Variants in NOL4 observed in about 807,000 individuals in gnomAD.
The protein encoded by NOL4 is nucleolar protein 4.
NOL4 carries 17 observed loss-of-function variants against 75.9 expected under a neutral mutation model. That is an observed-to-expected ratio of 0.22 (90% CI 0.15 to 0.34). The LOEUF is 0.34. Ranked by LOEUF, NOL4 falls within the 10% of genes least tolerant of loss-of-function variation. NOL4 has a pLI of 1.00. For synonymous variants in NOL4, 292 were observed against 289.9 expected (o/e 1.01, Z -0.07); for missense variants, 614 against 793.5 (o/e 0.77, Z 2.72).
intron 1 of NOL4, among the ~76,000 whole-genome samples, chr18:34,190,512 G>A (rs1289763271): frequency 6.6e-6 from 1 of 151,658 alleles, no homozygotes; most frequent in African/African-American, 2.4e-5. Flanking sequence ...TATATATGAA[G>A]GTAGAATCCC....
rs1336382469 is a variant in NOL4 at position 34,104,137 on chromosome 18, C to A, written c.549G>T (p.Leu183Phe). The change falls in exon 4 of 11, where the codon TTG becomes TTT. Residue 183 changes from leucine to phenylalanine, a missense_variant. Around this residue, in one of 9 missense-constraint regions of NOL4, gnomAD observed 135 missense variants for 220.4 expected, o/e 0.61. Coordinates refer to ENST00000261592, the MANE Select transcript of NOL4 (RefSeq NM_003787.5). ...TGTTGTAGTCAATCATGCTGGTCAC[C>A]AAAGTGGGAGGTTTTCCATTATCTG... The part of the protein sequence containing the change: ...DHKDNGKPPT[L>F]VTSMIDYNMP... 3 of 1,610,432 alleles carry A rather than the reference C, an allele frequency of 1.9e-6. No homozygotes were observed. The highest frequency in any genetic ancestry group is 2.7e-5 in the African/African-American group (2 of 74,796).
chr18:34,077,139 C>T (rs943216707), intron 5 of NOL4, among the ~76,000 whole-genome samples: 12 of 152,002 alleles, frequency 7.9e-5, no homozygotes, highest in Admixed American at 7.9e-4. Flanking sequence ...AACCCGGTCT[C>T]TACAAAAAAT....
At chr18:34,222,475 A>T in intron 1 of NOL4, 1 of 985,182 alleles carries the variant, frequency 1.0e-6, no homozygotes, top group Non-Finnish European at 1.2e-6. Flanking sequence ...ATAAAACCTG[A>T]CAGTGTCCTG....
intron 9 of NOL4, among the ~76,000 whole-genome samples, chr18:33,910,722 C>T (rs2066345337): frequency 6.6e-6 from 1 of 152,184 alleles, no homozygotes; most frequent in Non-Finnish European, 1.5e-5. Context: ...GAGTATACCT[C>T]TCCAAATGTT....
chr18:34,003,112 A>G (rs2073830863), intron 6 of NOL4, among the ~76,000 whole-genome samples: 1 of 152,098 alleles, frequency 6.6e-6, no homozygotes, highest in Non-Finnish European at 1.5e-5. Flanking sequence ...TACTTACGTG[A>G]GCATTTAGTT....
intron 8 of NOL4, among the ~76,000 whole-genome samples, chr18:33,950,153 A>C (rs1354667172): frequency 6.6e-6 from 1 of 151,862 alleles, no homozygotes; most frequent in Non-Finnish European, 1.5e-5. Context: ...TATTCCCACT[A>C]ATTGTTAAAT....
At chr18:34,162,560 G>T (rs573365602) in intron 1 of NOL4, among the ~76,000 whole-genome samples, 1 of 152,144 alleles carries the variant, frequency 6.6e-6, no homozygotes, top group Non-Finnish European at 1.5e-5. Flanking sequence ...TCTCTGAATA[G>T]ACCAATAACA....
chr18:34,040,789 G>A (rs2076106891), intron 5 of NOL4, among the ~76,000 whole-genome samples: 1 of 151,890 alleles, frequency 6.6e-6, no homozygotes, highest in Admixed American at 6.6e-5. Flanking sequence ...GATATGCTCT[G>A]GTGACATTGA....
intron 1 of NOL4, among the ~76,000 whole-genome samples, chr18:34,214,232 T>C (rs1196109780): frequency 2.0e-5 from 3 of 152,130 alleles, no homozygotes; most frequent in East Asian, 1.9e-4. Flanking sequence ...AGATAACCTA[T>C]TGAGGTGAAG....
At chr18:34,144,276 C>T (rs1345449953) in intron 1 of NOL4, among the ~76,000 whole-genome samples, 1 of 152,074 alleles carries the variant, frequency 6.6e-6, no homozygotes, top group Non-Finnish European at 1.5e-5. Flanking sequence ...TACCTGTTAG[C>T]TCTCATGAGT....
Position 33,883,130 on chromosome 18 carries a change from G to A in NOL4, c.1723+114C>T, listed in dbSNP as rs1213684343. 34 of 690,002 alleles carry A rather than the reference G, an allele frequency of 4.9e-5. 1 individual carries two copies. Among genetic ancestry groups the A allele is most frequent in the Non-Finnish European group, 6.8e-5 (29 of 428,708 alleles). 42.7% of individuals were successfully genotyped at this position (690,002 alleles called of 1,614,324 possible). On this transcript the variant is annotated intron_variant, in intron 10 of 10. Coordinates refer to ENST00000261592, the MANE Select transcript of NOL4 (RefSeq NM_003787.5). ...TAGATGATGAGTTAGTGGGTGCAGC[G>A]CACCAGCATGGCACATGTATACATA...
At chr18:34,196,355 A>G (rs894586274) in intron 1 of NOL4, among the ~76,000 whole-genome samples, 5 of 152,158 alleles carry the variant, frequency 3.3e-5, no homozygotes, top group Non-Finnish European at 7.4e-5. Context: ...ATTATATGAC[A>G]TCTTAGAAAA....
rs566828655 is a variant in NOL4 at position 34,104,846 on chromosome 18, G to A, written c.526+203C>T. Reference sequence around the variant, plus strand: ...ACAGGGAAAAATGTTATTTGCCACAGCTGAAACTGTCTTTCTTCTAAGAAT... The same window carrying A: ...ACAGGGAAAAATGTTATTTGCCACAACTGAAACTGTCTTTCTTCTAAGAAT... On this transcript the variant is annotated intron_variant, in intron 3 of 10. Transcript: ENST00000261592. 3.3e-5 allele frequency among the ~76,000 whole-genome samples: 5 copies of A among 152,042 alleles called. No individual in the cohort carries two copies. The East Asian group carries it at 5.8e-4, about 18-fold the overall frequency.
intron 5 of NOL4, among the ~76,000 whole-genome samples, chr18:34,034,318 T>C (rs2075782671): frequency 6.6e-6 from 1 of 152,176 alleles, no homozygotes. Flanking sequence ...TCCTAAAAGA[T>C]ATCGACTTGC....
intron 1 of NOL4, among the ~76,000 whole-genome samples, chr18:34,200,398 T>A (rs1231377931): frequency 6.6e-6 from 1 of 151,882 alleles, no homozygotes; most frequent in Non-Finnish European, 1.5e-5. Context: ...GAATTTTTTA[T>A]TAAGTTAAAC....
intron 9 of NOL4, among the ~76,000 whole-genome samples, chr18:33,932,829 TA>T (rs1383844145): frequency 6.6e-6 from 1 of 152,060 alleles, no homozygotes; most frequent in African/African-American, 2.4e-5. Context: ...TATACTCTTA[TA>T]AAAAGTATGG....
At chr18:34,073,531 T>A (rs967401952) in intron 5 of NOL4, among the ~76,000 whole-genome samples, 1 of 152,032 alleles carries the variant, frequency 6.6e-6, no homozygotes, top group Non-Finnish European at 1.5e-5. Context: ...ACTTGTTATA[T>A]TATATTGTTT....
chr18:34,017,650 A>G (rs1271706834), intron 6 of NOL4, among the ~76,000 whole-genome samples: 1 of 152,134 alleles, frequency 6.6e-6, no homozygotes, highest in African/African-American at 2.4e-5. Context: ...GTGCTATCAA[A>G]ACTTCTCTCA....
chr18:34,217,498 G>C (rs2036984153), intron 1 of NOL4, among the ~76,000 whole-genome samples: 1 of 151,868 alleles, frequency 6.6e-6, no homozygotes, highest in Admixed American at 6.6e-5. Context: ...TGTTGCCCAG[G>C]CTGGTCTCAA....
Sources: allele counts gnomAD v4.1 joint callset (sites outside exome capture counted in the v4.1 genomes callset), GRCh38; gene constraint gnomAD v4.1.1; regional missense constraint gnomAD v4.1.1; transcripts MANE v1.5; gene names NCBI Gene and HGNC (gene_info 2026-07-23, HGNC 2026-07-21).